Variants in SSBP2 observed in about 807,000 individuals in gnomAD.
SSBP2 encodes single-stranded DNA-binding protein 2.
In SSBP2, 17 loss-of-function variants were observed where a neutral mutation model predicts 61.8. That is an observed-to-expected ratio of 0.28 (90% CI 0.19 to 0.41). The LOEUF is 0.41. Ranked by LOEUF, SSBP2 falls within the 10% of genes least tolerant of loss-of-function variation. The probability of loss-of-function intolerance (pLI) is 1.00; values close to 1 mark genes in which losing one functional copy is unlikely to be tolerated. For synonymous variants in SSBP2, 139 were observed against 141.3 expected, an observed-to-expected ratio of 0.98 and a Z score of 0.12; for missense variants, 310 against 458.7, an observed-to-expected ratio of 0.68 and a Z score of 2.96.
intron 4 of SSBP2, among the ~76,000 whole-genome samples, chr5:81,600,538 G>C (rs1744251289): frequency 6.9e-6 from 1 of 144,708 alleles, no homozygotes; most frequent in African/African-American, 2.5e-5. Flanking sequence ...CTCTAACCTG[G>C]GCAACAGAGC....
At chr5:81,531,870 G>C (rs1308868204) in intron 4 of SSBP2, among the ~76,000 whole-genome samples, 2 of 152,032 alleles carry the variant, frequency 1.3e-5, no homozygotes, top group Non-Finnish European at 2.9e-5. Flanking sequence ...CACCTCTTCT[G>C]GAACAGTAAG....
intron 1 of SSBP2, among the ~76,000 whole-genome samples, chr5:81,737,497 G>C (rs1053104716): frequency 2.0e-5 from 3 of 151,866 alleles, no homozygotes; most frequent in African/African-American, 7.3e-5. Context: ...ACTGAGCCCT[G>C]TTTGGCCAGG....
intron 4 of SSBP2, among the ~76,000 whole-genome samples, chr5:81,541,088 G>GA (rs552417693): frequency 1.6e-3 from 239 of 150,858 alleles, no homozygotes; most frequent in Non-Finnish European, 2.5e-3. Context: ...CAATTCAATG[G>GA]AAAAAAAAAT....
intron 12 of SSBP2, 29 bp downstream of exon 12, chr5:81,446,839 T>C: frequency 1.3e-6 from 2 of 1,588,796 alleles, no homozygotes; most frequent in Non-Finnish European, 1.7e-6. Flanking sequence ...AATAATCAAA[T>C]GCCCATGTGG....
At chr5:81,460,154 C>T (rs766170960) in intron 10 of SSBP2, among the ~76,000 whole-genome samples, 2 of 152,180 alleles carry the variant, frequency 1.3e-5, no homozygotes, top group African/African-American at 2.4e-5. Flanking sequence ...GTTTCATATT[C>T]ATTTAACATT....
intron 16 of SSBP2, 81 bp downstream of exon 16, chr5:81,428,504 A>G (rs1361181200): frequency 1.8e-5 from 19 of 1,029,320 alleles, no homozygotes; most frequent in Non-Finnish European, 2.7e-5. Flanking sequence ...AAACAGCAGT[A>G]AAAGTGGCTT....
intron 7 of SSBP2, 56 bp from the exon 8 acceptor site, chr5:81,473,826 G>C: frequency 6.7e-7 from 1 of 1,485,506 alleles, no homozygotes; most frequent in Non-Finnish European, 9.4e-7. Context: ...TAAACCAGAG[G>C]CTAGCAGCTT....
In SSBP2 at chr5:81,548,307, C is replaced by T. The variant is rs74526578; in HGVS notation, c.283-34590G>A. On this transcript the variant is annotated intron_variant, in intron 4 of 16. Transcript: ENST00000320672. ...GTCAATGCAGGTTCATTGATCATAA[C>T]GAATGTACACTGTGGGCGCAGCATG... is the stretch of plus-strand genomic sequence containing the variant. Among the ~76,000 whole-genome samples the T allele has an allele frequency of 1.1e-3, 169 of 152,176 alleles. 1 individual carries two copies. The highest frequency in any genetic ancestry group is 3.7e-3 in the African/African-American group (153 of 41,526).
At chr5:81,637,857 T>C (rs1358998913) in intron 2 of SSBP2, among the ~76,000 whole-genome samples, 2 of 152,190 alleles carry the variant, frequency 1.3e-5, no homozygotes, top group Non-Finnish European at 2.9e-5. Context: ...CCAACCCGAA[T>C]GTCCAACAAT....
chr5:81,608,592 T>C (rs760421568), intron 4 of SSBP2, among the ~76,000 whole-genome samples: 1 of 152,212 alleles, frequency 6.6e-6, no homozygotes, highest in African/African-American at 2.4e-5. Flanking sequence ...AACAATGACA[T>C]GTCCTTAACT....
chr5:81,524,296 A>T (rs1769739771), intron 4 of SSBP2, among the ~76,000 whole-genome samples: 1 of 152,024 alleles, frequency 6.6e-6, no homozygotes, highest in South Asian at 2.1e-4. Flanking sequence ...AACTTAAATA[A>T]GCTTGAAAGT....
chr5:81,466,882 G>T (rs13189340), intron 9 of SSBP2, 92 bp downstream of exon 9: 19,710 of 750,846 alleles, frequency 0.026, 294 homozygotes, highest in Non-Finnish European at 0.032. Flanking sequence ...CCAGAAAATA[G>T]AACACTTTAC....
At chr5:81,502,418 C>A (rs1222152845) in intron 5 of SSBP2, among the ~76,000 whole-genome samples, 1 of 152,130 alleles carries the variant, frequency 6.6e-6, no homozygotes, top group African/African-American at 2.4e-5. Context: ...TCCTGGGATC[C>A]ATCATTGCAC....
chr5:81,569,378 A>G (rs1405861860), intron 4 of SSBP2, among the ~76,000 whole-genome samples: 1 of 152,192 alleles, frequency 6.6e-6, no homozygotes, highest in Non-Finnish European at 1.5e-5. Flanking sequence ...CAGTTTAACA[A>G]AAGTAGACTG....
chr5:81,504,050 T>C (rs1228944839), intron 5 of SSBP2, among the ~76,000 whole-genome samples: 3 of 152,100 alleles, frequency 2.0e-5, no homozygotes, highest in Non-Finnish European at 2.9e-5. Context: ...GCTTAGAACC[T>C]GGGTAACAAA....
intron 1 of SSBP2, among the ~76,000 whole-genome samples, chr5:81,735,174 A>C (rs1356743722): frequency 6.6e-6 from 1 of 152,058 alleles, no homozygotes; most frequent in Non-Finnish European, 1.5e-5. Context: ...TATAGAGATA[A>C]ACCTAATTTA....
rs950246939 is a variant in SSBP2, at chr5:81,448,810, C to A, written c.703G>T (p.Ala235Ser). Reference sequence around the variant, plus strand: ...CTTACTACATAATTCCCAGGAGATGCTGAGGAGTATGGTATCTGGAACACG... The same window carrying A: ...CTTACTACATAATTCCCAGGAGATGATGAGGAGTATGGTATCTGGAACACG... Residue 235 changes from alanine (A) to serine (S), a missense_variant, in exon 11 of 17, where the codon GCA becomes TCA. Ala to Ser is a moderately conservative substitution (Grantham distance 99). Coordinates refer to ENST00000320672, the MANE Select transcript of SSBP2 (RefSeq NM_012446.5). 1 of 1,613,120 alleles carries A rather than the reference C, an allele frequency of 6.2e-7. No homozygotes were observed. Among genetic ancestry groups the A allele is most frequent in the Non-Finnish European group, 8.5e-7 (1 of 1,179,602 alleles).
At chr5:81,652,827 T>C (rs1749850777) in intron 1 of SSBP2, among the ~76,000 whole-genome samples, 2 of 152,066 alleles carry the variant, frequency 1.3e-5, no homozygotes, top group Non-Finnish European at 2.9e-5. Flanking sequence ...AGTGGTGATT[T>C]GTGAGATTTT....
At chr5:81,528,658 A>C (rs1770147303) in intron 4 of SSBP2, among the ~76,000 whole-genome samples, 1 of 152,090 alleles carries the variant, frequency 6.6e-6, no homozygotes, top group Admixed American at 6.6e-5. Flanking sequence ...ATGGAGCCAT[A>C]AAATAATCAT....
Sources: allele counts gnomAD v4.1 joint callset (sites outside exome capture counted in the v4.1 genomes callset), GRCh38; gene constraint gnomAD v4.1.1; transcripts MANE v1.5; gene names NCBI Gene and HGNC (gene_info 2026-07-23, HGNC 2026-07-21).